Variants in NEO1 observed in about 807,000 individuals in gnomAD.
The protein encoded by NEO1 is neogenin.
A neutral mutation model predicts 159.7 loss-of-function variants in NEO1; 63 were observed. The ratio of observed to expected loss-of-function variants is 0.39; its 90% CI spans 0.32 to 0.49. The LOEUF (loss-of-function observed/expected upper bound fraction) is 0.49. Ranked by LOEUF, NEO1 falls within the 20% of genes least tolerant of loss-of-function variation. The probability of loss-of-function intolerance (pLI) is 0.85; values close to 1 mark genes in which losing one functional copy is unlikely to be tolerated. For missense variants in NEO1, 1,615 were observed against 1,831.0 expected, an observed-to-expected ratio of 0.88 and a Z score of 2.15; for synonymous variants, 633 against 662.0, an observed-to-expected ratio of 0.96 and a Z score of 0.67.
At position 73,272,506 on chromosome 15, in the gene NEO1, C is replaced by G. The variant is rs766488046; in HGVS notation, c.2909C>G (p.Pro970Arg). ...ACTGTTGTGAGTAAAGAGGGGAAAC[C>G]TAAGACCATAATTGTGAATTGGCAG... ...DVTVVSKEGK[P>R]KTIIVNWQPP... Residue 970 changes from proline to arginine, a missense_variant, in exon 19 of 29, where the codon CCT becomes CGT. Physicochemically the swap from Pro to Arg is moderately radical, Grantham distance 103. This residue lies in a region of NEO1 where 126 missense variants were observed against 216.7 expected (regional missense o/e 0.58). Coordinates refer to ENST00000261908, the MANE Select transcript of NEO1 (RefSeq NM_002499.4). 1.2e-6 allele frequency: 2 copies of G among 1,614,032 alleles called. No homozygotes were observed. The highest frequency in any genetic ancestry group is 1.7e-6 in the Non-Finnish European group (2 of 1,179,940).
At chr15:73,235,542 G>A (rs981436648) in intron 7 of NEO1, among the ~76,000 whole-genome samples, 1 of 152,180 alleles carries the variant, frequency 6.6e-6, no homozygotes, top group Non-Finnish European at 1.5e-5. Flanking sequence ...AGTCCTTGAG[G>A]TCTGCAAGCT....
At chr15:73,272,214 C>T (rs2041206906) in intron 18 of NEO1, among the ~76,000 whole-genome samples, 1 of 152,082 alleles carries the variant, frequency 6.6e-6, no homozygotes, top group African/African-American at 2.4e-5. Flanking sequence ...CCTGTTTATC[C>T]CTGACTCCCA....
At chr15:73,221,987 CAG>C (rs1247936765) in intron 7 of NEO1, 1 of 153,552 alleles carries the variant, frequency 6.5e-6, no homozygotes, top group Non-Finnish European at 1.4e-5. Context: ...CCCGGTACCT[CAG>C]ATGGAAATGC....
At chr15:73,069,125 AT>A (rs962027800) in intron 1 of NEO1, among the ~76,000 whole-genome samples, 140 of 105,402 alleles carry the variant, frequency 1.3e-3, no homozygotes, top group Admixed American at 3.2e-3. Context: ...TAATTTTTGT[AT>A]TTTTTTTTTT....
chr15:73,254,763 G>A lies in NEO1; in HGVS notation c.2026G>A (p.Ala676Thr), dbSNP rs932141729. ...TGGCTACAAGATTCGCTACCGAAAG[G>A]CCTCCCGAAAGAGTGATGTCACTGA... ...ITGYKIRYRK[A>T]SRKSDVTETL... The change falls in exon 13 of 29, where the codon GCC (alanine) becomes ACC (threonine). Residue 676 changes from alanine to threonine, a missense_variant. Coordinates refer to ENST00000261908, the MANE Select transcript of NEO1 (RefSeq NM_002499.4). 6.2e-7 allele frequency: 1 copy of A among 1,614,070 alleles called. No homozygotes were observed. Among genetic ancestry groups the A allele is most frequent in the Non-Finnish European group, 8.5e-7 (1 of 1,179,990 alleles).
At chr15:73,064,908 A>G (rs2068140419) in intron 1 of NEO1, among the ~76,000 whole-genome samples, 1 of 151,762 alleles carries the variant, frequency 6.6e-6, no homozygotes, top group South Asian at 2.1e-4. Flanking sequence ...CCATTTTATT[A>G]TTTACTTCTG....
intron 4 of NEO1, among the ~76,000 whole-genome samples, chr15:73,130,320 G>A (rs1489609557): frequency 1.6e-5 from 2 of 127,882 alleles, no homozygotes; most frequent in African/African-American, 2.7e-5. Context: ...CCCCCCCGCC[G>A]CATAAGACCC....
At chr15:73,062,691 C>G (rs1342058815) in intron 1 of NEO1, among the ~76,000 whole-genome samples, 1 of 152,180 alleles carries the variant, frequency 6.6e-6, no homozygotes, top group Non-Finnish European at 1.5e-5. Context: ...TTCATTTAGT[C>G]AAATACTTGA....
chr15:73,099,832 T>A lies in NEO1; in HGVS notation c.131-16708T>A, dbSNP rs189662434. Among the ~76,000 whole-genome samples the A allele has an allele frequency of 2.6e-3, 403 of 152,348 alleles. 1 individual carries two copies. Among genetic ancestry groups the A allele is most frequent in the Non-Finnish European group, 4.7e-3 (318 of 68,020 alleles). On this transcript the variant is annotated intron_variant, in intron 1 of 28. Transcript: ENST00000261908. ...CAACATCAGCTCTCTAGAACATAGC[T>A]GATTACTAAGGAGTAATGGCAAAAT...
chr15:73,142,919 A>G (rs1024726666), intron 5 of NEO1, among the ~76,000 whole-genome samples: 10 of 152,264 alleles, frequency 6.6e-5, no homozygotes, highest in African/African-American at 1.9e-4. Context: ...ATTTGACCAT[A>G]GACTTACTTG....
intron 1 of NEO1, among the ~76,000 whole-genome samples, chr15:73,095,207 TA>T (rs58483911): frequency 0.16 from 22,199 of 140,704 alleles, 2,468 homozygotes; most frequent in African/African-American, 0.32. Context: ...GACTCTGTCT[TA>T]AAAAAAAAAA....
chr15:73,230,164 C>G (rs1312405627), intron 7 of NEO1, among the ~76,000 whole-genome samples: 1 of 152,106 alleles, frequency 6.6e-6, no homozygotes, highest in Non-Finnish European at 1.5e-5. Context: ...AGCAGTAAAG[C>G]CATTTGGACT....
At chr15:73,239,674 C>G (rs1236641918) in intron 8 of NEO1, among the ~76,000 whole-genome samples, 1 of 152,170 alleles carries the variant, frequency 6.6e-6, no homozygotes, top group Non-Finnish European at 1.5e-5. Context: ...AATAGGCTAT[C>G]CCATACAGCC....
intron 23 of NEO1, among the ~76,000 whole-genome samples, chr15:73,285,540 C>T (rs1243291516): frequency 1.3e-5 from 2 of 152,308 alleles, no homozygotes; most frequent in Non-Finnish European, 2.9e-5. Flanking sequence ...CAGTTATCTG[C>T]TTTGCAAGTA....
intron 5 of NEO1, among the ~76,000 whole-genome samples, chr15:73,148,456 G>A (rs1292668280): frequency 1.3e-5 from 2 of 152,102 alleles, no homozygotes; most frequent in African/African-American, 4.8e-5. Flanking sequence ...GCTCCAAAGT[G>A]GGCAGTGGAA....
chr15:73,098,250 G>T lies in NEO1; in HGVS notation c.131-18290G>T, dbSNP rs574775552. Among the ~76,000 whole-genome samples, 24 of 152,224 alleles carry T rather than the reference G, an allele frequency of 1.6e-4. No homozygotes were observed. In the South Asian group the frequency reaches 4.8e-3, roughly 30 times the overall value. On this transcript the variant is annotated intron_variant, in intron 1 of 28. Coordinates refer to ENST00000261908, the MANE Select transcript of NEO1 (RefSeq NM_002499.4). ...TTAAATTCTCTCGAACTAGTTCTCT[G>T]TGTGATTTTAATGACAGCTGGTCAA... is the stretch of plus-strand genomic sequence containing the variant.
chr15:73,103,836 A>G (rs537882332), intron 1 of NEO1, among the ~76,000 whole-genome samples: 1 of 152,248 alleles, frequency 6.6e-6, no homozygotes, highest in South Asian at 2.1e-4. Context: ...CCTTAGTAAT[A>G]TTTTTGAAAG....
At chr15:73,166,696 A>T (rs1470756807) in intron 5 of NEO1, among the ~76,000 whole-genome samples, 7 of 152,184 alleles carry the variant, frequency 4.6e-5, no homozygotes, top group Admixed American at 3.9e-4. Context: ...GTTTTGTTTT[A>T]AAATCTGGGG....
chr15:73,301,504 C>A, intron 28 of NEO1, 47 bp downstream of exon 28: 1 of 1,612,344 alleles, frequency 6.2e-7, no homozygotes, highest in Non-Finnish European at 8.5e-7. Flanking sequence ...TGGGAACATG[C>A]CCCAGGGCCT....
Sources: gnomAD v4.1 joint callset for allele counts (sites outside exome capture counted in the v4.1 genomes callset) on GRCh38, gnomAD v4.1.1 for gene constraint, gnomAD v4.1.1 regional missense constraint, MANE v1.5 for transcripts, NCBI Gene and HGNC (gene_info 2026-07-23, HGNC 2026-07-21) for gene names.